ALDH1A2: variants seen among roughly 807,000 people sequenced by gnomAD.
The protein encoded by ALDH1A2 is retinal dehydrogenase 2.
ALDH1A2 carries 27 observed loss-of-function variants against 60.3 expected under a neutral mutation model. That is an observed-to-expected ratio of 0.45 (90% CI 0.33 to 0.62). The LOEUF (loss-of-function observed/expected upper bound fraction) is 0.62. ALDH1A2 is among the 20% of genes least tolerant of loss of function. The pLI is 0.02. For synonymous variants in ALDH1A2, 289 were observed against 232.4 expected (o/e 1.24, Z -2.21); for missense variants, 581 against 643.8 (o/e 0.90, Z 1.06).
chr15:57,964,158 G>A, intron 8 of ALDH1A2, 89 bp from the exon 9 acceptor site: 1 of 1,408,782 alleles, frequency 7.1e-7, no homozygotes, highest in South Asian at 1.2e-5. Flanking sequence ...CAAAGCCCTA[G>A]GTATAGTGTG....
At chr15:57,996,407 C>G (rs898696699) in intron 4 of ALDH1A2, among the ~76,000 whole-genome samples, 3 of 151,262 alleles carry the variant, frequency 2.0e-5, no homozygotes, top group Non-Finnish European at 4.4e-5. Context: ...TTTCAAGGAA[C>G]TTTTATTCAC....
chr15:58,003,199 A>G (rs1435350556), intron 4 of ALDH1A2, among the ~76,000 whole-genome samples: 2 of 151,894 alleles, frequency 1.3e-5, no homozygotes, highest in Non-Finnish European at 2.9e-5. Flanking sequence ...CCTCTTAAAA[A>G]GGTTCCTTGT....
rs144320091 is a variant in ALDH1A2, at chr15:58,018,019, G to C, written c.118-3738C>G. On this transcript the variant is annotated intron_variant, in intron 1 of 12. Transcript: ENST00000249750. ...CTTCATGGTCAGTACTTGAATGTTT[G>C]CAGCTCTCTAGGCAATGTCGAAAGT... Among the ~76,000 whole-genome samples, 386 of 152,240 alleles carry C rather than the reference G, an allele frequency of 2.5e-3. 1 individual carries two copies. Among genetic ancestry groups the C allele is most frequent in the African/African-American group, 8.8e-3 (365 of 41,536 alleles).
chr15:58,065,098 T>C (rs768029989), intron 1 of ALDH1A2: 57 of 277,538 alleles, frequency 2.1e-4, no homozygotes, highest in Non-Finnish European at 3.0e-4. Context: ...GAGGACCTGA[T>C]TGGGACCAAC....
intron 12 of ALDH1A2, among the ~76,000 whole-genome samples, chr15:57,957,196 T>C (rs1305660519): frequency 1.3e-5 from 2 of 152,198 alleles, no homozygotes; most frequent in Non-Finnish European, 2.9e-5. Context: ...AGCTCTGCCA[T>C]GAACCAGCTA....
chr15:57,995,997 A>AAG (rs371049823), intron 4 of ALDH1A2, among the ~76,000 whole-genome samples: 214 of 152,218 alleles, frequency 1.4e-3, no homozygotes, highest in African/African-American at 4.9e-3. Context: ...ATACTGGGCA[A>AAG]AGTCTTTATT....
intron 7 of ALDH1A2, among the ~76,000 whole-genome samples, chr15:57,969,081 AC>A (rs1893982934): frequency 6.6e-6 from 1 of 152,216 alleles, no homozygotes; most frequent in Non-Finnish European, 1.5e-5. Flanking sequence ...TCAAGAAAGA[AC>A]GGGATGTGTT....
intron 7 of ALDH1A2, among the ~76,000 whole-genome samples, chr15:57,967,680 T>G (rs1166972588): frequency 1.3e-5 from 2 of 152,204 alleles, no homozygotes; most frequent in African/African-American, 4.8e-5. Flanking sequence ...GATGCAGAAC[T>G]AGAGTTTCTT....
At chr15:58,048,934 C>G (rs1317881427) in intron 1 of ALDH1A2, among the ~76,000 whole-genome samples, 1 of 146,628 alleles carries the variant, frequency 6.8e-6, no homozygotes, top group African/African-American at 2.8e-5. Flanking sequence ...CCCACCCCAC[C>G]CCACAAATTT....
chr15:58,029,208 G>A (rs1896162481), intron 1 of ALDH1A2, among the ~76,000 whole-genome samples: 1 of 152,330 alleles, frequency 6.6e-6, no homozygotes, highest in Non-Finnish European at 1.5e-5. Context: ...TCAGACCACA[G>A]TGCAATCAAA....
intron 4 of ALDH1A2, among the ~76,000 whole-genome samples, chr15:57,996,724 T>G (rs997129789): frequency 1.3e-5 from 2 of 151,970 alleles, no homozygotes; most frequent in African/African-American, 4.8e-5. Context: ...ACATTTCAGA[T>G]TTTCAAAAAT....
At chr15:57,999,140 G>T (rs1566943645) in intron 4 of ALDH1A2, among the ~76,000 whole-genome samples, 2 of 152,114 alleles carry the variant, frequency 1.3e-5, no homozygotes, top group Non-Finnish European at 2.9e-5. Flanking sequence ...CATGGGCATA[G>T]GCAAGATTGC....
At chr15:58,051,711 C>T (rs1326719373) in intron 1 of ALDH1A2, among the ~76,000 whole-genome samples, 1 of 152,128 alleles carries the variant, frequency 6.6e-6, no homozygotes, top group Non-Finnish European at 1.5e-5. Flanking sequence ...GAATTCTTAC[C>T]TTCCTACGTT....
chr15:57,961,262 A>G lies in ALDH1A2; in HGVS notation c.1284T>C (p.Phe428=), dbSNP rs1893710403. The change falls in exon 11 of 13, where the codon TTT becomes TTC. Residue 428 remains phenylalanine (F), a synonymous_variant. Coordinates refer to ENST00000249750, the MANE Select transcript of ALDH1A2 (RefSeq NM_003888.4). Reference sequence around the variant, plus strand: ...TTTCGATAACTTCATCCATCGTCTTAAATCTCAAAATTTCCTGAACAGGGC... The same window carrying G: ...TTTCGATAACTTCATCCATCGTCTTGAATCTCAAAATTTCCTGAACAGGGC... The part of the protein sequence containing the change: ...IFGPVQEILR[F]KTMDEVIERA... 1 of 1,613,976 alleles carries G rather than the reference A, an allele frequency of 6.2e-7. No individual in the cohort carries two copies. The highest frequency in any genetic ancestry group is 1.3e-5 in the African/African-American group (1 of 74,944).
At chr15:58,051,202 T>C (rs1896770901) in intron 1 of ALDH1A2, among the ~76,000 whole-genome samples, 1 of 152,106 alleles carries the variant, frequency 6.6e-6, no homozygotes, top group African/African-American at 2.4e-5. Context: ...AGGAACTGGA[T>C]TATAATATTA....
chr15:58,056,072 C>G (rs765471179), intron 1 of ALDH1A2, among the ~76,000 whole-genome samples: 1 of 152,008 alleles, frequency 6.6e-6, no homozygotes, highest in Non-Finnish European at 1.5e-5. Context: ...ACAACCACAG[C>G]TAATATTTAA....
intron 12 of ALDH1A2, among the ~76,000 whole-genome samples, chr15:57,958,310 G>A (rs1050945258): frequency 9.9e-5 from 15 of 152,210 alleles, no homozygotes; most frequent in Non-Finnish European, 2.1e-4. Flanking sequence ...AAATGCTGAG[G>A]TTCACAGAAT....
chr15:58,055,062 T>C (rs2899613), intron 1 of ALDH1A2, among the ~76,000 whole-genome samples: 76,393 of 151,848 alleles, frequency 0.5, 19,809 homozygotes, highest in Non-Finnish European at 0.58. Flanking sequence ...CTATGAAACA[T>C]TCAGCAAGGC....
At chr15:58,031,604 C>T (rs1896241961) in intron 1 of ALDH1A2, among the ~76,000 whole-genome samples, 1 of 152,004 alleles carries the variant, frequency 6.6e-6, no homozygotes, top group Non-Finnish European at 1.5e-5. Context: ...AAAATTTTTT[C>T]AATCTACCCA....
Sources: gnomAD v4.1 joint callset for allele counts (sites outside exome capture counted in the v4.1 genomes callset) on GRCh38, gnomAD v4.1.1 for gene constraint, MANE v1.5 for transcripts, NCBI Gene and HGNC (gene_info 2026-07-23, HGNC 2026-07-21) for gene names.